Variants in RESP18 observed in about 807,000 individuals in gnomAD.
RESP18 encodes the protein regulated endocrine specific protein 18, also known as regulated endocrine-specific protein 18.
Under a neutral mutation model 30.0 loss-of-function variants are expected in RESP18, and 30 were observed. The observed-to-expected ratio is 1.00, with a 90% CI of 0.75 to 1.36. The LOEUF (loss-of-function observed/expected upper bound fraction) is 1.36. Among genes scored for constraint, RESP18 ranks in the 40% most tolerant of loss-of-function variants. The probability of loss-of-function intolerance (pLI) is 0.00; values close to 1 mark genes in which losing one functional copy is unlikely to be tolerated. For missense variants in RESP18, 320 were observed against 284.2 expected (o/e 1.13, Z -0.91); for synonymous variants, 117 against 111.2 (o/e 1.05, Z -0.33).
chr2:219,329,343 C>T (rs1301085250), intron 4 of RESP18, 91 bp from the exon 4 acceptor site: 15 of 1,551,732 alleles, frequency 9.7e-6, no homozygotes, highest in Non-Finnish European at 1.2e-5. Context: ...GTCAGGGATT[C>T]ACAATTCTTG....
rs1001675240 is a variant in RESP18, at chr2:219,330,774, G to A, written c.334C>T (p.Gln112Ter). ...CTGTTCTCCAGCTTTTACTTACCTTGGGGTATAATCTGCTGGAGCACAACC... is the reference window on the plus strand; with the variant it reads ...CTGTTCTCCAGCTTTTACTTACCTTAGGGTATAATCTGCTGGAGCACAACC... The change falls in exon 3 of 7, where the codon CAA becomes TAA. Residue 112 changes from glutamine to a stop codon, truncating the protein, a stop_gained. Coordinates refer to ENST00000333527, the MANE Select transcript of RESP18 (RefSeq NM_001007089.4). LOFTEE classifies it high-confidence loss of function. 3.1e-5 allele frequency: 48 copies of A among 1,544,796 alleles called. No individual in the cohort carries two copies. In the Middle Eastern group the frequency reaches 8.4e-4, roughly 27 times the overall value.
At chr2:219,329,046 G>T in intron 5 of RESP18, 38 bp from the exon 5 acceptor site, 2 of 1,510,452 alleles carry the variant, frequency 1.3e-6, no homozygotes, top group Non-Finnish European at 9.0e-7. Context: ...CTTTGATTAG[G>T]AATGGAAAAA....
At chr2:219,332,489 TG>T in intron 2 of RESP18, 34 bp downstream of exon 1, 4 of 1,508,066 alleles carry the variant, frequency 2.7e-6, no homozygotes, top group Non-Finnish European at 3.6e-6. Flanking sequence ...ATCGCTTTCT[TG>T]GCCCTGCCCG....
chr2:219,328,462 T>TC (rs1282397029), intron 6 of RESP18, among the ~76,000 whole-genome samples: 1 of 152,080 alleles, frequency 6.6e-6, no homozygotes, highest in Non-Finnish European at 1.5e-5. Flanking sequence ...ACCTCTTTTT[T>TC]CAGTGTGGAG....
At position 219,332,681 on chromosome 2, in the gene RESP18, G is replaced by T. The variant is rs543764737; in HGVS notation, c.75C>A (p.Ala25=). 1.3e-6 allele frequency: 2 copies of T among 1,550,890 alleles called. No individual in the cohort carries two copies. The highest frequency in any genetic ancestry group is 1.7e-6 in the Non-Finnish European group (2 of 1,146,902). The change falls in exon 2 of 7, where the codon GCC becomes GCA. Residue 25 remains alanine, a synonymous_variant. Coordinates refer to ENST00000333527, the MANE Select transcript of RESP18 (RefSeq NM_001007089.4). The stretch of plus-strand genomic sequence containing the variant: ...CCGGCCAAGTCTCAGTGAAGGTAGC[G>T]GCCACGGCCGAGGGGCTGAGCGGGG...
intron 6 of RESP18, 132 bp from the exon 6 acceptor site, chr2:219,327,695 C>A: frequency 1.3e-6 from 1 of 758,594 alleles, no homozygotes; most frequent in Non-Finnish European, 2.3e-6. Context: ...GACAGCTCAC[C>A]AACTGAGAGC....
intron 3 of RESP18, among the ~76,000 whole-genome samples, 151 bp from the exon 3 acceptor site, chr2:219,329,915 C>T (rs1952813197): frequency 6.6e-6 from 1 of 152,164 alleles, no homozygotes; most frequent in Admixed American, 6.5e-5. Context: ...AGCATAGTGC[C>T]TAGCATATAA....
rs1559314679 is a variant in RESP18, at chr2:219,327,564, CTAAAACAAGA to C, written c.641-11_641-2del. On this transcript the variant is annotated splice_acceptor_variant and splice_polypyrimidine_tract_variant and intron_variant, in intron 6 of 6. Transcript: ENST00000333527. LOFTEE classifies it high-confidence loss of function. ...CAGTAGGAAGTGGCCCAGAGAAGCC[CTAAAACAAGA>C]AGAAACAAGGGAGCTAGAGTCAGGA... 1 of 1,551,480 alleles carries C rather than the reference CTAAAACAAGA, an allele frequency of 6.4e-7. No individual in the cohort carries two copies. Among genetic ancestry groups the C allele is most frequent in the Admixed American group, 2.0e-5 (1 of 50,994 alleles).
At chr2:219,330,972 C>T in intron 2 of RESP18, 97 bp from the exon 2 acceptor site, 1 of 732,490 alleles carries the variant, frequency 1.4e-6, no homozygotes, top group Middle Eastern at 2.3e-4. Context: ...ACTCCTGGAC[C>T]CCTGACCTCT....
chr2:219,329,549 T>C, intron 4 of RESP18, 88 bp downstream of exon 3: 1 of 1,541,534 alleles, frequency 6.5e-7, no homozygotes, highest in South Asian at 1.2e-5. Context: ...TCCTGGCAAC[T>C]TCTACCTGCA....
chr2:219,330,237 C>T lies in RESP18; in HGVS notation c.338-473G>A, dbSNP rs187144566. On this transcript the variant is annotated intron_variant, in intron 3 of 6. Transcript: ENST00000333527. The stretch of plus-strand genomic sequence containing the variant: ...AGAACTACTGCTCTAAGGCACTATG[C>T]ACATATTAGTGTTAGCAGCAGTAAT... Among the ~76,000 whole-genome samples the T allele has an allele frequency of 1.7e-3, 265 of 152,304 alleles. 3 individuals are homozygous for T. Among genetic ancestry groups the T allele is most frequent in the African/African-American group, 6.2e-3 (257 of 41,568 alleles).
chr2:219,330,534 T>G (rs1159016680), intron 3 of RESP18, among the ~76,000 whole-genome samples: 1 of 120,214 alleles, frequency 8.3e-6, no homozygotes, highest in African/African-American at 6.2e-5. Context: ...TTTTCAGTTT[T>G]GTTTTTTTTT....
In RESP18 at chr2:219,332,687, G is replaced by A. The variant is rs781292976; in HGVS notation, c.69C>T (p.Ala23=). The A allele has an allele frequency of 2.6e-6, 4 of 1,550,852 alleles. No individual in the cohort carries two copies. Among genetic ancestry groups the A allele is most frequent in the South Asian group, 1.2e-5 (1 of 84,038 alleles). ...AAGTCTCAGTGAAGGTAGCGGCCACGGCCGAGGGGCTGAGCGGGGCTGCAG... is the reference window on the plus strand; with the variant it reads ...AAGTCTCAGTGAAGGTAGCGGCCACAGCCGAGGGGCTGAGCGGGGCTGCAG... The change falls in exon 2 of 7, where the codon GCC becomes GCT. Residue 23 remains alanine, a synonymous_variant. Coordinates refer to ENST00000333527, the MANE Select transcript of RESP18 (RefSeq NM_001007089.4).
intron 2 of RESP18, among the ~76,000 whole-genome samples, chr2:219,332,001 G>A (rs995653321): frequency 6.6e-6 from 1 of 152,220 alleles, no homozygotes; most frequent in Non-Finnish European, 1.5e-5. Flanking sequence ...TCGAGTGTGC[G>A]CAGTCTGGCA....
chr2:219,329,251 C>A lies in RESP18; in HGVS notation c.467G>T (p.Ser156Ile), dbSNP rs765956740. The change falls in exon 5 of 7, where the codon AGC becomes ATC. Residue 156 changes from serine (S) to isoleucine (I), a missense_variant and splice_region_variant. Transcript: ENST00000333527. ...ATCCCTGTTCACCTTGGCCAGGGGGCTCTGTGAGGAGGGAAACCAGGAGTC... is the reference window on the plus strand; with the variant it reads ...ATCCCTGTTCACCTTGGCCAGGGGGATCTGTGAGGAGGGAAACCAGGAGTC... 2 of 1,551,522 alleles carry A rather than the reference C, an allele frequency of 1.3e-6. No homozygotes were observed. The highest frequency in any genetic ancestry group is 1.4e-5 in the African/African-American group (1 of 73,020).
At chr2:219,330,311 A>C (rs945172894) in intron 3 of RESP18, among the ~76,000 whole-genome samples, 2 of 150,180 alleles carry the variant, frequency 1.3e-5, no homozygotes, top group East Asian at 3.9e-4. Context: ...CCCAACATTC[A>C]TGAAACTCTG....
chr2:219,330,817 T>C lies in RESP18; in HGVS notation c.291A>G (p.Pro97=). Residue 97 remains proline, a synonymous_variant, in exon 3 of 7, where the codon CCA becomes CCG. Coordinates refer to ENST00000333527, the MANE Select transcript of RESP18 (RefSeq NM_001007089.4). ...GCACAACCTGTAAATGCTGGAAGACTGGGGTGGCAAATCCTTGGAGGGGCC... is the reference window on the plus strand; with the variant it reads ...GCACAACCTGTAAATGCTGGAAGACCGGGGTGGCAAATCCTTGGAGGGGCC... The C allele has an allele frequency of 6.4e-7, 1 of 1,551,496 alleles. No homozygotes were observed. Among genetic ancestry groups the C allele is most frequent in the Non-Finnish European group, 8.7e-7 (1 of 1,146,890 alleles).
At position 219,327,536 on chromosome 2, in the gene RESP18, C is replaced by G. The variant is rs1485208259; in HGVS notation, c.668G>C (p.Gly223Ala). The change falls in exon 7 of 7, where the codon GGG becomes GCG. Residue 223 changes from glycine to alanine, a missense_variant. By Grantham distance (60) the Gly-to-Ala change is moderately conservative (BLOSUM62 0). Coordinates refer to ENST00000333527, the MANE Select transcript of RESP18 (RefSeq NM_001007089.4). ...TCTCAATCAGCCACAGGGTTGCGGCCCACAGTAGGAAGTGGCCCAGAGAAG... is the reference window on the plus strand; with the variant it reads ...TCTCAATCAGCCACAGGGTTGCGGCGCACAGTAGGAAGTGGCCCAGAGAAG... 9 of 1,551,612 alleles carry G rather than the reference C, an allele frequency of 5.8e-6. No individual in the cohort carries two copies. The highest frequency in any genetic ancestry group is 7.8e-6 in the Non-Finnish European group (9 of 1,146,966).
At chr2:219,328,870 G>T in intron 6 of RESP18, 54 bp downstream of exon 5, 1 of 1,177,888 alleles carries the variant, frequency 8.5e-7, no homozygotes, top group Non-Finnish European at 1.2e-6. Context: ...CAAAAAGGAC[G>T]TTTAATTTTG....
Sources: allele counts gnomAD v4.1 joint callset (sites outside exome capture counted in the v4.1 genomes callset), GRCh38; gene constraint gnomAD v4.1.1; transcripts MANE v1.5; gene names NCBI Gene and HGNC (gene_info 2026-07-23, HGNC 2026-07-21).